MCF2L: variants seen among roughly 807,000 people sequenced by gnomAD.
MCF2L encodes the protein MCF.2 cell line derived transforming sequence like.
In MCF2L, 97 loss-of-function variants were observed where a neutral mutation model predicts 153.4. The ratio of observed to expected loss-of-function variants is 0.63; its 90% CI spans 0.54 to 0.75. MCF2L has a LOEUF of 0.75. Among genes scored for constraint, MCF2L ranks in the 30% least tolerant of loss-of-function variants. MCF2L has a pLI of 0.00. For missense variants in MCF2L, 1,347 were observed against 1,495.2 expected (o/e 0.90, Z 1.64); for synonymous variants, 659 against 632.2 (o/e 1.04, Z -0.64).
rs1325018439 is a variant in MCF2L, at chr13:113,097,934, G to C, written c.*1075G>C. 1 of 152,196 alleles carries C rather than the reference G, an allele frequency of 6.6e-6. No individual in the cohort carries two copies. Among genetic ancestry groups the C allele is most frequent in the Non-Finnish European group, 1.5e-5 (1 of 68,038 alleles). 9.4% of individuals were successfully genotyped at this position (152,196 alleles called of 1,614,324 possible). A position where few individuals can be genotyped will look rare whatever the true frequency, so the allele number is the denominator to read the frequency against. On this transcript the variant is annotated 3_prime_UTR_variant, in exon 30 of 30. Coordinates refer to ENST00000535094, the MANE Select transcript of MCF2L (RefSeq NM_001112732.3). ...TTGAGTACAGAAGTGAAAGTGGGGA[G>C]AGTATTTTATTCAAGTCACAGCAGA...
At chr13:113,084,733 CTCG>C (rs1447784250) in intron 18 of MCF2L, 156 bp from the exon 19 acceptor site, 3 of 644,982 alleles carry the variant, frequency 4.7e-6, no homozygotes, top group Non-Finnish European at 8.2e-6. Context: ...AGTGCCGGCC[CTCG>C]GAAGCTATGG....
chr13:113,010,524 C>T (rs941545350), intron 1 of MCF2L, among the ~76,000 whole-genome samples: 8 of 152,224 alleles, frequency 5.3e-5, no homozygotes, highest in Non-Finnish European at 7.3e-5. Context: ...CTCACCACGT[C>T]GTCCCCGTAG....
chr13:112,974,667 G>A (rs949763545), intron 1 of MCF2L, among the ~76,000 whole-genome samples: 1 of 151,970 alleles, frequency 6.6e-6, no homozygotes, highest in African/African-American at 2.4e-5. Flanking sequence ...AGAACTTTAG[G>A]GACTAGTAAA....
chr13:113,089,544 C>T (rs11839280), intron 25 of MCF2L, 66 bp from the exon 26 acceptor site: 1 of 1,066,028 alleles, frequency 9.4e-7, no homozygotes, highest in Non-Finnish European at 1.4e-6. Context: ...CTCAGGTCCT[C>T]AGGGCGTTCT....
At position 113,054,437 on chromosome 13, in the gene MCF2L, G is replaced by T. The variant is rs2087589146; in HGVS notation, c.370-6156G>T. On this transcript the variant is annotated intron_variant, in intron 4 of 29. Coordinates refer to ENST00000535094, the MANE Select transcript of MCF2L (RefSeq NM_001112732.3). The surrounding 1 kb of genome is among the most constrained non-coding windows in gnomAD (Gnocchi z 5.2). ...CGTGTCTGAACATCTGCAGGAACAG[G>T]GTCCACGCCCATTGTTTTCCTCACC... 1 of 167,092 alleles carries T rather than the reference G, an allele frequency of 6.0e-6. No individual in the cohort carries two copies. Among genetic ancestry groups the T allele is most frequent in the South Asian group, 2.1e-4 (1 of 4,824 alleles). The allele number at this position is 167,092 out of a possible 1,614,324, so 10.4% of individuals were successfully genotyped here. A position where few individuals can be genotyped will look rare whatever the true frequency, so the allele number is the denominator to read the frequency against.
rs190260870 is a variant in MCF2L, at chr13:112,904,081, G to A, written c.169+1710G>A. Among the ~76,000 whole-genome samples, 3 of 152,204 alleles carry A rather than the reference G, an allele frequency of 2.0e-5. No homozygotes were observed. The highest frequency in any genetic ancestry group is 1.9e-4 in the East Asian group (1 of 5,172). On this transcript the variant is annotated intron_variant, in intron 2 of 29. Coordinates refer to the MCF2L transcript ENST00000375608. This position sits in a 1 kb window ranked among gnomAD's most constrained non-coding sequence, Gnocchi z 4.2. ...CTCGGACTGGTGCCTTTCCCTGAGC[G>A]CCCAAGTCTCGCGTGGACCAGCTCT... is the stretch of plus-strand genomic sequence containing the variant.
At chr13:112,998,600 A>G (rs1227185999) in intron 1 of MCF2L, among the ~76,000 whole-genome samples, 1 of 152,138 alleles carries the variant, frequency 6.6e-6, no homozygotes, top group Non-Finnish European at 1.5e-5. Context: ...TGTGTTCAAA[A>G]TGTGTGTCCC....
At chr13:112,918,564 G>C (rs374433276) in intron 2 of MCF2L, among the ~76,000 whole-genome samples, 2 of 152,268 alleles carry the variant, frequency 1.3e-5, no homozygotes, top group African/African-American at 4.8e-5. Flanking sequence ...GGCCTGGGGG[G>C]ATGCAGCCTG....
Position 112,969,261 on chromosome 13 carries a change from C to T in MCF2L, c.-119C>T, listed in dbSNP as rs1486219117. 1 of 1,444,592 alleles carries T rather than the reference C, an allele frequency of 6.9e-7. No homozygotes were observed. The highest frequency in any genetic ancestry group is 9.2e-7 in the Non-Finnish European group (1 of 1,090,160). 89.5% of individuals were successfully genotyped at this position (1,444,592 alleles called of 1,614,324 possible). ...AGGCGGCGGCTGGAGGCTGAAAGCG[C>T]TGCCGTGGCCCCCTCCCCGCCTCCG... On this transcript the variant is annotated 5_prime_UTR_variant, in exon 1 of 30. Transcript: ENST00000535094. The surrounding 1 kb of genome is among the most constrained non-coding windows in gnomAD (Gnocchi z 4.8).
rs1194627279 is a variant in MCF2L at position 112,941,862 on chromosome 13, C to T, written c.169+39491C>T. Reference sequence around the variant, plus strand: ...AAACCAGGCCATACAGAGATAGGAACTGAGGGGACATAGTGAGAAGTGATC... The same window carrying T: ...AAACCAGGCCATACAGAGATAGGAATTGAGGGGACATAGTGAGAAGTGATC... On this transcript the variant is annotated intron_variant, in intron 2 of 29. Coordinates refer to the MCF2L transcript ENST00000375608. This position sits in a 1 kb window ranked among gnomAD's most constrained non-coding sequence, Gnocchi z 4.9. Among the ~76,000 whole-genome samples, 1 of 152,158 alleles carries T rather than the reference C, an allele frequency of 6.6e-6. No individual in the cohort carries two copies. Among genetic ancestry groups the T allele is most frequent in the Non-Finnish European group, 1.5e-5 (1 of 68,040 alleles).
intron 9 of MCF2L, among the ~76,000 whole-genome samples, chr13:113,071,395 A>G (rs2032904049): frequency 6.6e-6 from 1 of 152,160 alleles, no homozygotes; most frequent in Admixed American, 6.6e-5. Flanking sequence ...CACGTAGCCA[A>G]AGCATTTAAT....
chr13:112,950,951 C>T (rs188104364), intron 2 of MCF2L, among the ~76,000 whole-genome samples: 2 of 152,306 alleles, frequency 1.3e-5, no homozygotes, highest in East Asian at 3.9e-4. Context: ...AGACAAGCTA[C>T]AAACTGAAGA....
At chr13:112,940,093 TG>T (rs2140662875) in intron 2 of MCF2L, among the ~76,000 whole-genome samples, 1 of 146,866 alleles carries the variant, frequency 6.8e-6, no homozygotes, top group Admixed American at 6.7e-5. Flanking sequence ...CAACGGGGGG[TG>T]GGGGCATCCA....
At chr13:112,979,110 G>T (rs2082311550) in intron 1 of MCF2L, among the ~76,000 whole-genome samples, 1 of 152,246 alleles carries the variant, frequency 6.6e-6, no homozygotes, top group Admixed American at 6.5e-5. Flanking sequence ...GAGGAGCTCG[G>T]CAGCAGACGG....
chr13:112,899,816 G>A (rs1040926838), intron 1 of MCF2L, among the ~76,000 whole-genome samples: 4 of 152,320 alleles, frequency 2.6e-5, no homozygotes, highest in East Asian at 1.9e-4. Flanking sequence ...GACGGGCCGC[G>A]CGTGCCATCT....
In MCF2L at chr13:112,969,345, C is replaced by A; in HGVS notation, c.-35C>A. On this transcript the variant is annotated 5_prime_UTR_variant, in exon 1 of 30. Coordinates refer to ENST00000535094, the MANE Select transcript of MCF2L (RefSeq NM_001112732.3). The surrounding 1 kb of genome is among the most constrained non-coding windows in gnomAD (Gnocchi z 4.8). The stretch of plus-strand genomic sequence containing the variant: ...GCAGGCGCCCCCCGTGCGGAGGAAG[C>A]GGATCTGCCAGGATCATTTTTGTTG... 1.3e-6 allele frequency: 2 copies of A among 1,547,936 alleles called. No homozygotes were observed. The highest frequency in any genetic ancestry group is 8.7e-7 in the Non-Finnish European group (1 of 1,145,334).
chr13:113,075,264 C>T (rs1162405208), intron 11 of MCF2L, 75 bp downstream of exon 11: 3 of 1,391,978 alleles, frequency 2.2e-6, no homozygotes, highest in Non-Finnish European at 2.9e-6. Flanking sequence ...CCACCACCGG[C>T]TGACCCTTGT....
At chr13:113,056,762 G>A (rs1181785236) in intron 4 of MCF2L, among the ~76,000 whole-genome samples, 6 of 145,466 alleles carry the variant, frequency 4.1e-5, no homozygotes, top group Non-Finnish European at 9.0e-5. Context: ...TGGGTGCTGT[G>A]TGTTTGGGTG....
Position 113,045,510 on chromosome 13 carries a change from C to G in MCF2L, c.369+149C>G. The stretch of plus-strand genomic sequence containing the variant: ...CGGCGGGTGGAGGCCGGCGCCAAGG[C>G]CCCCCCTGCTTGGGCTCCCAAGGCA... On this transcript the variant is annotated intron_variant, in intron 4 of 29. Transcript: ENST00000535094. This position sits in a 1 kb window ranked among gnomAD's most constrained non-coding sequence, Gnocchi z 4.2. 1 of 682,808 alleles carries G rather than the reference C, an allele frequency of 1.5e-6. No individual in the cohort carries two copies. Among genetic ancestry groups the G allele is most frequent in the Non-Finnish European group, 2.5e-6 (1 of 395,094 alleles). 42.3% of individuals were successfully genotyped at this position (682,808 alleles called of 1,614,324 possible). A position where few individuals can be genotyped will look rare whatever the true frequency, so the allele number is the denominator to read the frequency against.
Sources: gnomAD v4.1 joint callset for allele counts (sites outside exome capture counted in the v4.1 genomes callset) on GRCh38, gnomAD v4.1.1 for gene constraint, Gnocchi (gnomAD v3.1) non-coding constraint, MANE v1.5 for transcripts, NCBI Gene and HGNC (gene_info 2026-07-23, HGNC 2026-07-21) for gene names.